The following CAMTA1 variants were observed in gnomAD, a reference collection of about 807,000 sequenced individuals.
The protein encoded by CAMTA1 is calmodulin-binding transcription activator 1.
Under a neutral mutation model 170.9 loss-of-function variants are expected in CAMTA1, and 27 were observed. That is an observed-to-expected ratio of 0.16 (90% CI 0.12 to 0.22). CAMTA1 has a LOEUF of 0.22. Ranked by LOEUF, CAMTA1 falls within the 10% of genes least tolerant of loss-of-function variation. The probability of loss-of-function intolerance (pLI) is 1.00; values close to 1 mark genes in which losing one functional copy is unlikely to be tolerated. For missense variants in CAMTA1, 1,619 were observed against 2,217.2 expected, an observed-to-expected ratio of 0.73 and a Z score of 5.42; for synonymous variants, 833 against 891.5, an observed-to-expected ratio of 0.93 and a Z score of 1.17.
At chr1:7,097,522 G>A (rs113996654) in intron 4 of CAMTA1, among the ~76,000 whole-genome samples, 4,285 of 152,314 alleles carry the variant, frequency 0.028, 74 homozygotes, top group African/African-American at 0.044. Flanking sequence ...CAGCCCCATT[G>A]TAAGACCCCT....
chr1:7,262,022 G>T (rs933699561), intron 5 of CAMTA1, among the ~76,000 whole-genome samples: 2 of 152,194 alleles, frequency 1.3e-5, no homozygotes, highest in Admixed American at 1.3e-4. Context: ...ATATGATGTG[G>T]TGCCCTCACA....
At position 7,249,645 on chromosome 1, in the gene CAMTA1, T is replaced by G. The variant is rs759784889; in HGVS notation, c.438+19T>G. 1 of 1,612,144 alleles carries G rather than the reference T, an allele frequency of 6.2e-7. No individual in the cohort carries two copies. On this transcript the variant is annotated intron_variant, in intron 5 of 22. Transcript: ENST00000303635. The surrounding 1 kb of genome is among the most constrained non-coding windows in gnomAD (Gnocchi z 4.4). ...AGTGGAGGTAAACAGCAGAAAAGGT[T>G]CCCTTGGTGCACAAATGTCATTTGC...
chr1:7,726,201 C>A (rs965560518), intron 11 of CAMTA1, among the ~76,000 whole-genome samples: 6 of 149,658 alleles, frequency 4.0e-5, no homozygotes, highest in Non-Finnish European at 5.9e-5. Flanking sequence ...TTTGATACTT[C>A]CTTGTCTGTC....
chr1:7,100,700 C>A (rs1462451454), intron 4 of CAMTA1, among the ~76,000 whole-genome samples: 1 of 152,226 alleles, frequency 6.6e-6, no homozygotes, highest in Non-Finnish European at 1.5e-5. Flanking sequence ...TCCTGTCCAC[C>A]TTCTTAATGC....
rs2096220685 is a variant in CAMTA1 at position 7,682,737 on chromosome 1, C to A, written c.2914+5004C>A. On this transcript the variant is annotated intron_variant, in intron 11 of 22. Coordinates refer to ENST00000303635, the MANE Select transcript of CAMTA1 (RefSeq NM_015215.4). The surrounding 1 kb of genome is among the most constrained non-coding windows in gnomAD (Gnocchi z 5.0). The stretch of plus-strand genomic sequence containing the variant: ...TGGGTGCTTCTTCCTCCAATGGCAA[C>A]ACTCCAGGGCTTTCTGCTGAGTGGG... Among the ~76,000 whole-genome samples, 1 of 152,240 alleles carries A rather than the reference C, an allele frequency of 6.6e-6. No homozygotes were observed. The highest frequency in any genetic ancestry group is 2.1e-4 in the South Asian group (1 of 4,826).
chr1:6,881,619 G>A (rs374952825), intron 3 of CAMTA1, among the ~76,000 whole-genome samples: 5 of 152,112 alleles, frequency 3.3e-5, no homozygotes, highest in African/African-American at 9.7e-5. Context: ...TGGTTTTGCC[G>A]AAAGAGAAGG....
chr1:7,661,998 G>T (rs1441418770), intron 8 of CAMTA1, 132 bp downstream of exon 8: 10 of 1,104,994 alleles, frequency 9.0e-6, no homozygotes, highest in Admixed American at 2.4e-5. Context: ...CAGGGACTGG[G>T]CGACACCACC....
intron 4 of CAMTA1, among the ~76,000 whole-genome samples, chr1:7,228,923 G>A (rs1662192026): frequency 6.6e-6 from 1 of 152,166 alleles, no homozygotes; most frequent in African/African-American, 2.4e-5. Context: ...TTGGGTCAGG[G>A]GGCTTAAGGA....
chr1:7,312,282 T>C (rs1676842928), intron 5 of CAMTA1, among the ~76,000 whole-genome samples: 1 of 151,940 alleles, frequency 6.6e-6, no homozygotes. Context: ...GCCTGGGGGC[T>C]GCAGTGCAAG....
intron 4 of CAMTA1, among the ~76,000 whole-genome samples, chr1:7,235,840 T>G (rs1663739980): frequency 6.6e-6 from 1 of 152,230 alleles, no homozygotes; most frequent in African/African-American, 2.4e-5. Flanking sequence ...TTTGCCCTTA[T>G]TTTAATGAAA....
chr1:7,254,178 T>C (rs990412437), intron 5 of CAMTA1, among the ~76,000 whole-genome samples: 1 of 152,124 alleles, frequency 6.6e-6, no homozygotes, highest in East Asian at 1.9e-4. Context: ...CAATGTGACT[T>C]GAAGCAACAG....
chr1:7,545,017 G>T (rs1263026868), intron 6 of CAMTA1, among the ~76,000 whole-genome samples: 1 of 152,132 alleles, frequency 6.6e-6, no homozygotes, highest in Non-Finnish European at 1.5e-5. Flanking sequence ...ATTTCAGCAT[G>T]GGTTTCGGCA....
chr1:7,616,665 G>T (rs2095561092), intron 6 of CAMTA1, among the ~76,000 whole-genome samples: 1 of 152,166 alleles, frequency 6.6e-6, no homozygotes, highest in African/African-American at 2.4e-5. Flanking sequence ...ACCCTAGGGA[G>T]GCCAAGTCCC....
At chr1:6,980,281 C>T (rs141551143) in intron 3 of CAMTA1, among the ~76,000 whole-genome samples, 399 of 152,282 alleles carry the variant, frequency 2.6e-3, no homozygotes, top group African/African-American at 9.1e-3. Context: ...CATCCAGAAT[C>T]CTCTGTCTCC....
chr1:7,612,430 T>C (rs1326921484), intron 6 of CAMTA1, among the ~76,000 whole-genome samples: 1 of 152,164 alleles, frequency 6.6e-6, no homozygotes, highest in Non-Finnish European at 1.5e-5. Flanking sequence ...GCCCCTCTGC[T>C]CATCTGTCTG....
chr1:7,623,608 C>T (rs2095613615), intron 6 of CAMTA1, among the ~76,000 whole-genome samples: 1 of 152,260 alleles, frequency 6.6e-6, no homozygotes, highest in Non-Finnish European at 1.5e-5. Flanking sequence ...AAGGGATTCT[C>T]CTGCCTCAGC....
intron 5 of CAMTA1, among the ~76,000 whole-genome samples, chr1:7,378,904 C>A (rs968507419): frequency 6.6e-6 from 1 of 152,136 alleles, no homozygotes; most frequent in Admixed American, 6.5e-5. Context: ...TTTATTCCAG[C>A]TTTTCCTTAG....
At chr1:6,838,597 A>G (rs1654260871) in intron 3 of CAMTA1, among the ~76,000 whole-genome samples, 1 of 152,174 alleles carries the variant, frequency 6.6e-6, no homozygotes, top group Admixed American at 6.5e-5. Context: ...TCTTTCTGAT[A>G]TATGTATCTA....
At chr1:6,924,463 A>G (rs985018907) in intron 3 of CAMTA1, among the ~76,000 whole-genome samples, 2 of 152,132 alleles carry the variant, frequency 1.3e-5, no homozygotes, top group Admixed American at 6.5e-5. Context: ...TGAGGGCTCC[A>G]CGACTTTCAT....
Sources: allele counts gnomAD v4.1 joint callset (sites outside exome capture counted in the v4.1 genomes callset), GRCh38; gene constraint gnomAD v4.1.1; non-coding constraint Gnocchi (gnomAD v3.1); transcripts MANE v1.5; gene names NCBI Gene and HGNC (gene_info 2026-07-23, HGNC 2026-07-21).